SLFNL1: variants seen among roughly 807,000 people sequenced by gnomAD.
The protein encoded by SLFNL1 is schlafen-like protein 1.
A neutral mutation model predicts 32.5 loss-of-function variants in SLFNL1; 26 were observed. The ratio of observed to expected loss-of-function variants is 0.80; its 90% CI spans 0.59 to 1.11. The LOEUF (loss-of-function observed/expected upper bound fraction) is 1.11. Among genes scored for constraint, SLFNL1 ranks in the 50% least tolerant of loss-of-function variants. The pLI, the probability that SLFNL1 is intolerant of heterozygous loss-of-function variation, is 0.00. For missense variants in SLFNL1, 553 were observed against 546.5 expected, an observed-to-expected ratio of 1.01 and a Z score of -0.12; for synonymous variants, 255 against 242.2, an observed-to-expected ratio of 1.05 and a Z score of -0.49.
In SLFNL1 at chr1:41,018,072, G is replaced by GT; in HGVS notation, c.519dup (p.His174ThrfsTer5). The GT allele has an allele frequency of 3.8e-6, 6 of 1,573,952 alleles. No individual in the cohort carries two copies. Among genetic ancestry groups the GT allele is most frequent in the Non-Finnish European group, 5.2e-6 (6 of 1,157,868 alleles). Reference sequence around the variant, plus strand: ...GCCTGGGGCCTATCAGGCAGCGTGTGTGTAGGCCAGGTGGGCAGCGGGACA... The same window carrying GT: ...GCCTGGGGCCTATCAGGCAGCGTGTGTTGTAGGCCAGGTGGGCAGCGGGACA... On this transcript the variant is annotated frameshift_variant, in exon 4 of 6. Transcript: ENST00000302946. LOFTEE classifies it high-confidence loss of function.
In SLFNL1 at chr1:41,017,808, C is replaced by A; in HGVS notation, c.784G>T (p.Val262Leu). 1.2e-6 allele frequency: 2 copies of A among 1,600,492 alleles called. No homozygotes were observed. Among genetic ancestry groups the A allele is most frequent in the Non-Finnish European group, 1.7e-6 (2 of 1,170,514 alleles). The part of the protein sequence containing the change: ...NSEGGSLLVG[V>L]EDSGLVQGIR... The stretch of plus-strand genomic sequence containing the variant: ...CCCTGCACCAGGCCGCTGTCCTCTA[C>A]TCCCACGAGCAGGCTGCCGCCCTCG... Residue 262 changes from valine to leucine, a missense_variant, in exon 4 of 6, where the codon GTA becomes TTA. Coordinates refer to ENST00000302946, the MANE Select transcript of SLFNL1 (RefSeq NM_144990.4). This position sits in a 1 kb window ranked among gnomAD's most constrained non-coding sequence, Gnocchi z 4.9.
chr1:41,020,493 G>A lies in SLFNL1; in HGVS notation c.168C>T (p.Pro56=), dbSNP rs573617501. ...AHTLYVGHLN[P]QFSVPVLACL... The stretch of plus-strand genomic sequence containing the variant: ...AGGCAAGCACCGGCACTGAGAACTG[G>A]GGGTTCAGATGGCCCACATAGAGAG... Residue 56 remains proline (P), a synonymous_variant, in exon 3 of 6, where the codon CCC becomes CCT. Transcript: ENST00000302946. The A allele has an allele frequency of 1.9e-6, 3 of 1,613,486 alleles. No homozygotes were observed. The highest frequency in any genetic ancestry group is 2.2e-5 in the East Asian group (1 of 44,864).
At chr1:41,020,026 T>A (rs1643707263) in intron 3 of SLFNL1, among the ~76,000 whole-genome samples, 200 bp downstream of exon 3, 1 of 152,210 alleles carries the variant, frequency 6.6e-6, no homozygotes, top group African/African-American at 2.4e-5. Context: ...GGCTTGAGCT[T>A]GAGGCAAACT....
chr1:41,016,404 G>A (rs977318400), intron 5 of SLFNL1, 176 bp from the exon 6 acceptor site: 13 of 980,012 alleles, frequency 1.3e-5, no homozygotes, highest in Admixed American at 9.1e-5. Flanking sequence ...GTCAGCCTGA[G>A]GGAAGCTGCC....
rs1643392960 is a variant in SLFNL1, at chr1:41,017,047, C to T, written c.1101+187G>A. ...TAAAAGGAGAGAGCTTGGGCCTCTTCCTTCCCACCAGCCACCTACCCGCGG... is the reference window on the plus strand; with the variant it reads ...TAAAAGGAGAGAGCTTGGGCCTCTTTCTTCCCACCAGCCACCTACCCGCGG... On this transcript the variant is annotated intron_variant, in intron 5 of 5. Coordinates refer to ENST00000302946, the MANE Select transcript of SLFNL1 (RefSeq NM_144990.4). This position sits in a 1 kb window ranked among gnomAD's most constrained non-coding sequence, Gnocchi z 4.9. The T allele has an allele frequency of 3.0e-6, 2 of 659,228 alleles. No individual in the cohort carries two copies. The highest frequency in any genetic ancestry group is 5.2e-5 in the South Asian group (2 of 38,332). The allele number at this position is 659,228 out of a possible 1,614,324, so 40.8% of individuals were successfully genotyped here.
In SLFNL1 at chr1:41,020,631, T is replaced by C; in HGVS notation, c.30A>G (p.Thr10=). The part of the protein sequence containing the change: MTPMKRSVQ[T]QVSEPFMESW... ...ACTCCATGAAGGGCTCTGACACCTGTGTTTGCACTGATCTCTTCATGGGGG... is the reference window on the plus strand; with the variant it reads ...ACTCCATGAAGGGCTCTGACACCTGCGTTTGCACTGATCTCTTCATGGGGG... Residue 10 remains threonine, a synonymous_variant, in exon 3 of 6, where the codon ACA becomes ACG. Transcript: ENST00000302946. 6.2e-7 allele frequency: 1 copy of C among 1,612,502 alleles called. No homozygotes were observed. Among genetic ancestry groups the C allele is most frequent in the Non-Finnish European group, 8.5e-7 (1 of 1,179,372 alleles).
chr1:41,020,754 G>T lies in SLFNL1; in HGVS notation c.-94C>A. On this transcript the variant is annotated 5_prime_UTR_variant, in exon 3 of 6. The change creates a new upstream start codon in the 5' untranslated region. Coordinates refer to ENST00000302946, the MANE Select transcript of SLFNL1 (RefSeq NM_144990.4). ...TCTCAGTGTGGCTTAAGGGCTCCCA[G>T]AGGACTCAGGGAGTGTCCCGGCTCC... is the stretch of plus-strand genomic sequence containing the variant. 8.3e-7 allele frequency: 1 copy of T among 1,198,522 alleles called. No individual in the cohort carries two copies. Among genetic ancestry groups the T allele is most frequent in the Non-Finnish European group, 1.2e-6 (1 of 853,766 alleles). The allele number at this position is 1,198,522 out of a possible 1,614,324, so 74.2% of individuals were successfully genotyped here. A position where few individuals can be genotyped will look rare whatever the true frequency, so the allele number is the denominator to read the frequency against.
chr1:41,018,092 G>A lies in SLFNL1; in HGVS notation c.500C>T (p.Pro167Leu), dbSNP rs1053523284. 19 of 1,552,536 alleles carry A rather than the reference G, an allele frequency of 1.2e-5. No individual in the cohort carries two copies. Among genetic ancestry groups the A allele is most frequent in the East Asian group, 2.4e-5 (1 of 41,700 alleles). Reference protein sequence around the residue: ...SPGPSPGSGVPLPTWPTHTLP... With the variant: ...SPGPSPGSGVLLPTWPTHTLP... ...CGTGTGTGTAGGCCAGGTGGGCAGC[G>A]GGACACCAGAGCCTGGACTGGGGCC... The change falls in exon 4 of 6, where the codon CCG (proline) becomes CTG (leucine). Residue 167 changes from proline (P) to leucine (L), a missense_variant. Pro to Leu is a moderately conservative substitution (Grantham distance 98). Coordinates refer to ENST00000302946, the MANE Select transcript of SLFNL1 (RefSeq NM_144990.4).
In SLFNL1 at chr1:41,017,835, T is replaced by C. The variant is rs980594091; in HGVS notation, c.757A>G (p.Ser253Gly). The part of the protein sequence containing the change: ...VRRYVCAFLN[S>G]EGGSLLVGVE... ...CCCACGAGCAGGCTGCCGCCCTCGC[T>C]GTTGAGGAAGGCGCACACGTAGCGC... The change falls in exon 4 of 6, where the codon AGC becomes GGC. Residue 253 changes from serine (S) to glycine (G), a missense_variant. By Grantham distance (56) the Ser-to-Gly change is moderately conservative. Transcript: ENST00000302946. The surrounding 1 kb of genome is among the most constrained non-coding windows in gnomAD (Gnocchi z 4.9). The C allele has an allele frequency of 1.9e-6, 3 of 1,599,382 alleles. No individual in the cohort carries two copies.
chr1:41,017,405 G>A lies in SLFNL1; in HGVS notation c.958-28C>T. ...TGGTAGGGGCAACAGCAGCTCTGGA[G>A]GCGCCGCCCCTCACGGTCGGCAGCC... On this transcript the variant is annotated intron_variant, in intron 4 of 5. Transcript: ENST00000302946. The surrounding 1 kb of genome is among the most constrained non-coding windows in gnomAD (Gnocchi z 4.9). The A allele has an allele frequency of 6.2e-7, 1 of 1,602,192 alleles. No homozygotes were observed. Among genetic ancestry groups the A allele is most frequent in the Non-Finnish European group, 8.5e-7 (1 of 1,173,194 alleles).
intron 5 of SLFNL1, chr1:41,016,493 TTC>T (rs1175991789): frequency 2.2e-6 from 1 of 457,920 alleles, no homozygotes; most frequent in East Asian, 4.3e-5. Context: ...TTGTCCTCCA[TTC>T]TCTGTTTCCC....
In SLFNL1 at chr1:41,016,069, G is replaced by C; in HGVS notation, c.*37C>G. 3 of 1,593,216 alleles carry C rather than the reference G, an allele frequency of 1.9e-6. No individual in the cohort carries two copies. The highest frequency in any genetic ancestry group is 2.6e-6 in the Non-Finnish European group (3 of 1,168,228). On this transcript the variant is annotated 3_prime_UTR_variant, in exon 6 of 6. Transcript: ENST00000302946. ...ACAGGAAATCCCTGGGTCTCAGGTG[G>C]AGAGTGCCGTGCCGTCCTGCCTGCT...
chr1:41,019,007 T>A (rs942548413), intron 3 of SLFNL1, among the ~76,000 whole-genome samples: 1 of 151,440 alleles, frequency 6.6e-6, no homozygotes, highest in African/African-American at 2.4e-5. Flanking sequence ...GCCCGGCTAA[T>A]TTTTTTGTAT....
Position 41,020,720 on chromosome 1 carries a change from G to T in SLFNL1, c.-60C>A. On this transcript the variant is annotated 5_prime_UTR_variant, in exon 3 of 6. Transcript: ENST00000302946. The stretch of plus-strand genomic sequence containing the variant: ...CCTCACTGCTGGCTGCTTCTCCCAG[G>T]GTCTGTGTTCTCAGTGTGGCTTAAG... The T allele has an allele frequency of 6.6e-7, 1 of 1,523,916 alleles. No individual in the cohort carries two copies. 94.4% of individuals were successfully genotyped at this position (1,523,916 alleles called of 1,614,324 possible).
Position 41,017,503 on chromosome 1 carries a change from A to G in SLFNL1, c.958-126T>C, listed in dbSNP as rs1643443634. The G allele has an allele frequency of 1.3e-6, 2 of 1,493,186 alleles. No homozygotes were observed. Among genetic ancestry groups the G allele is most frequent in the Non-Finnish European group, 8.9e-7 (1 of 1,120,776 alleles). 92.5% of individuals were successfully genotyped at this position (1,493,186 alleles called of 1,614,324 possible). ...GGCCAGCAGGGCTGGCACAGGGGCCATCCCCAGCCTCTTCTCCTGTGGCCC... is the reference window on the plus strand; with the variant it reads ...GGCCAGCAGGGCTGGCACAGGGGCCGTCCCCAGCCTCTTCTCCTGTGGCCC... On this transcript the variant is annotated intron_variant, in intron 4 of 5. Coordinates refer to ENST00000302946, the MANE Select transcript of SLFNL1 (RefSeq NM_144990.4). The surrounding 1 kb of genome is among the most constrained non-coding windows in gnomAD (Gnocchi z 4.9).
rs149541948 is a variant in SLFNL1 at position 41,018,091 on chromosome 1, C to T, written c.501G>A (p.Pro167=). 498 of 1,553,680 alleles carry T rather than the reference C, an allele frequency of 3.2e-4. 1 individual carries two copies. In the African/African-American group the frequency reaches 5.7e-3, roughly 18 times the overall value. The change falls in exon 4 of 6, where the codon CCG becomes CCA. Residue 167 remains proline (P), a synonymous_variant. Transcript: ENST00000302946. ...GCGTGTGTGTAGGCCAGGTGGGCAG[C>T]GGGACACCAGAGCCTGGACTGGGGC... ...SPGPSPGSGV[P]LPTWPTHTLP...
chr1:41,020,981 T>C (rs1643791179), intron 1 of SLFNL1, 111 bp from the exon 2 acceptor site: 2 of 302,216 alleles, frequency 6.6e-6, no homozygotes, highest in Admixed American at 4.4e-5. Context: ...CTCTGAGAGC[T>C]CCACCATTTC....
At chr1:41,019,740 T>C (rs1245677865) in intron 3 of SLFNL1, among the ~76,000 whole-genome samples, 2 of 152,214 alleles carry the variant, frequency 1.3e-5, no homozygotes. Context: ...CTGTCTTCTC[T>C]CACAGCTCTG....
In SLFNL1 at chr1:41,016,208, G is replaced by T. The variant is rs779190149; in HGVS notation, c.1122C>A (p.Gly374=). The change falls in exon 6 of 6, where the codon GGC becomes GGA. Residue 374 remains glycine (G), a synonymous_variant. Transcript: ENST00000302946. ...WCRQRWLVEL[G]KLEEKMKALM... ...GCGCCTTCATCTTCTCTTCCAGCTT[G>T]CCCAGCTCCACCAGCCACCTCTGAG... 3.7e-6 allele frequency: 6 copies of T among 1,613,936 alleles called. No homozygotes were observed. In the African/African-American group the frequency reaches 8.0e-5, roughly 22 times the overall value.
Sources: gnomAD v4.1 joint callset for allele counts (sites outside exome capture counted in the v4.1 genomes callset) on GRCh38, gnomAD v4.1.1 for gene constraint, Gnocchi (gnomAD v3.1) non-coding constraint, MANE v1.5 for transcripts, NCBI Gene and HGNC (gene_info 2026-07-23, HGNC 2026-07-21) for gene names.